The following PARD3B variants were observed in gnomAD, a reference collection of about 807,000 sequenced individuals.
PARD3B encodes par-3 family cell polarity regulator beta, also known as partitioning defective 3 homolog B.
PARD3B carries 103 observed loss-of-function variants against 130.2 expected under a neutral mutation model. That is an observed-to-expected ratio of 0.79 (90% CI 0.67 to 0.93). The LOEUF is 0.93. Among genes scored for constraint, PARD3B ranks in the 40% least tolerant of loss-of-function variants. The pLI, the probability that PARD3B is intolerant of heterozygous loss-of-function variation, is 0.00. For missense variants in PARD3B, 1,609 were observed against 1,499.2 expected, an observed-to-expected ratio of 1.07 and a Z score of -1.21; for synonymous variants, 583 against 553.2, an observed-to-expected ratio of 1.05 and a Z score of -0.76.
chr2:205,121,178 C>G lies in PARD3B; in HGVS notation c.807-413C>G, dbSNP rs1302667131. 6.6e-6 allele frequency among the ~76,000 whole-genome samples: 1 copy of G among 152,200 alleles called. No homozygotes were observed. Among genetic ancestry groups the G allele is most frequent in the Non-Finnish European group, 1.5e-5 (1 of 68,032 alleles). On this transcript the variant is annotated intron_variant, in intron 7 of 22. Coordinates refer to ENST00000406610, the MANE Select transcript of PARD3B (RefSeq NM_001302769.2). This position sits in a 1 kb window ranked among gnomAD's most constrained non-coding sequence, Gnocchi z 5.0. The stretch of plus-strand genomic sequence containing the variant: ...TCCTAAAAGAAACCTAACTAATGAT[C>G]TGATCCAAAATATCTATTTTGCTTT...
intron 1 of PARD3B, among the ~76,000 whole-genome samples, chr2:204,590,714 T>G (rs2033038237): frequency 6.6e-6 from 1 of 152,228 alleles, no homozygotes; most frequent in South Asian, 2.1e-4. Context: ...GAACTTACTT[T>G]AGAAGGACTA....
intron 21 of PARD3B, among the ~76,000 whole-genome samples, chr2:205,552,670 G>A (rs927707165): frequency 7.9e-5 from 12 of 151,952 alleles, no homozygotes; most frequent in Admixed American, 1.3e-4. Context: ...CTTGACCTCC[G>A]AACAAAGTGC....
intron 1 of PARD3B, among the ~76,000 whole-genome samples, chr2:204,670,626 C>T (rs1014647287): frequency 5.9e-5 from 9 of 152,044 alleles, no homozygotes; most frequent in African/African-American, 2.2e-4. Context: ...GTTGAAAATA[C>T]TAGCTATTTT....
chr2:205,185,692 T>C, intron 13 of PARD3B, 72 bp from the exon 14 acceptor site: 2 of 1,278,214 alleles, frequency 1.6e-6, no homozygotes, highest in South Asian at 1.2e-5. Flanking sequence ...CTGAGAGAGA[T>C]ACTGAAACCA....
intron 1 of PARD3B, among the ~76,000 whole-genome samples, chr2:204,666,313 G>C (rs1020413869): frequency 3.3e-5 from 5 of 152,182 alleles, no homozygotes; most frequent in African/African-American, 1.2e-4. Context: ...TCATATGTGA[G>C]ATGAAGAGTC....
At chr2:204,682,755 A>G (rs1056691609) in intron 1 of PARD3B, among the ~76,000 whole-genome samples, 2 of 152,112 alleles carry the variant, frequency 1.3e-5, no homozygotes, top group African/African-American at 4.8e-5. Flanking sequence ...GGGCCCCTCC[A>G]AGTTTTCCCT....
intron 2 of PARD3B, among the ~76,000 whole-genome samples, chr2:204,918,061 T>C (rs1048965708): frequency 6.6e-6 from 1 of 152,140 alleles, no homozygotes; most frequent in Non-Finnish European, 1.5e-5. Flanking sequence ...TATATTCTTA[T>C]TAAGTTTTGA....
chr2:205,557,522 G>A (rs2052943811), intron 22 of PARD3B, among the ~76,000 whole-genome samples: 1 of 152,214 alleles, frequency 6.6e-6, no homozygotes, highest in South Asian at 2.1e-4. Context: ...GAGGGCCTGA[G>A]CTCGGAGTCA....
At chr2:205,424,320 T>C (rs542608720) in intron 19 of PARD3B, among the ~76,000 whole-genome samples, 3 of 152,312 alleles carry the variant, frequency 2.0e-5, no homozygotes, top group Admixed American at 6.5e-5. Flanking sequence ...CATGGTTCTA[T>C]ACTTAAGGTG....
At chr2:204,838,509 C>T (rs1189923450) in intron 2 of PARD3B, among the ~76,000 whole-genome samples, 1 of 152,020 alleles carries the variant, frequency 6.6e-6, no homozygotes, top group Non-Finnish European at 1.5e-5. Flanking sequence ...ACCACCATGC[C>T]TGGCTGCATC....
At chr2:204,563,090 T>C (rs1240353478) in intron 1 of PARD3B, among the ~76,000 whole-genome samples, 1 of 152,168 alleles carries the variant, frequency 6.6e-6, no homozygotes, top group Non-Finnish European at 1.5e-5. Context: ...AGGGCCACGC[T>C]TCCTTCAAAA....
At position 205,460,266 on chromosome 2, in the gene PARD3B, T is replaced by C. The variant is rs2048404890; in HGVS notation, c.3044+19594T>C. On this transcript the variant is annotated intron_variant, in intron 20 of 22. Coordinates refer to ENST00000406610, the MANE Select transcript of PARD3B (RefSeq NM_001302769.2). This position sits in a 1 kb window ranked among gnomAD's most constrained non-coding sequence, Gnocchi z 4.9. ...TGCAGTTCGTAAATTTCCTACTGGG[T>C]CATTTTTTTTCTGAGAGGGTATTTC... Among the ~76,000 whole-genome samples, 1 of 152,116 alleles carries C rather than the reference T, an allele frequency of 6.6e-6. No homozygotes were observed. Among genetic ancestry groups the C allele is most frequent in the East Asian group, 1.9e-4 (1 of 5,190 alleles).
At chr2:204,956,516 T>TTGTGTG (rs113818336) in intron 2 of PARD3B, among the ~76,000 whole-genome samples, 4,081 of 148,184 alleles carry the variant, frequency 0.028, 65 homozygotes, top group Middle Eastern at 0.052. Flanking sequence ...GAAAAACTAC[T>TTGTGTG]TGTGTGTGTG....
Position 205,158,714 on chromosome 2 carries a change from C to T in PARD3B, c.1435-8C>T. 6.2e-7 allele frequency: 1 copy of T among 1,606,256 alleles called. No homozygotes were observed. Among genetic ancestry groups the T allele is most frequent in the Non-Finnish European group, 8.5e-7 (1 of 1,176,016 alleles). ...TCTTCACTCTTTTCATGTGTATTCC[C>T]CTAACAGAAAGGAGAACCTGACTGC... is the stretch of plus-strand genomic sequence containing the variant. On this transcript the variant is annotated splice_polypyrimidine_tract_variant and splice_region_variant and intron_variant, in intron 10 of 22. Transcript: ENST00000406610. This position sits in a 1 kb window ranked among gnomAD's most constrained non-coding sequence, Gnocchi z 5.4.
chr2:205,029,592 T>C (rs565508147), intron 3 of PARD3B, among the ~76,000 whole-genome samples: 21 of 152,180 alleles, frequency 1.4e-4, no homozygotes, highest in Admixed American at 2.6e-4. Flanking sequence ...GAATTATAAT[T>C]CTCCCTCTTG....
rs961790544 is a variant in PARD3B, at chr2:205,440,159, T to C, written c.2742-211T>C. On this transcript the variant is annotated intron_variant, in intron 19 of 22. Coordinates refer to ENST00000406610, the MANE Select transcript of PARD3B (RefSeq NM_001302769.2). The surrounding 1 kb of genome is among the most constrained non-coding windows in gnomAD (Gnocchi z 4.2). Reference sequence around the variant, plus strand: ...GATATCAAAATACCCATAGCATTGCTATCAAAGTAAAGACCCTGTAACAAA... The same window carrying C: ...GATATCAAAATACCCATAGCATTGCCATCAAAGTAAAGACCCTGTAACAAA... 2.0e-5 allele frequency among the ~76,000 whole-genome samples: 3 copies of C among 152,202 alleles called. No individual in the cohort carries two copies. Among genetic ancestry groups the C allele is most frequent in the African/African-American group, 7.2e-5 (3 of 41,446 alleles).
Position 204,636,808 on chromosome 2 carries a change from C to T in PARD3B, c.121-49373C>T, listed in dbSNP as rs10205319. Among the ~76,000 whole-genome samples, 312 of 152,232 alleles carry T rather than the reference C, an allele frequency of 2.0e-3. 3 individuals carry two copies. The highest frequency in any genetic ancestry group is 7.1e-3 in the African/African-American group (296 of 41,546). ...CTTAAACTCACCCTGTACTGTTTTACAACTGCATTCTACCCCTTCCAGCAA... is the reference window on the plus strand; with the variant it reads ...CTTAAACTCACCCTGTACTGTTTTATAACTGCATTCTACCCCTTCCAGCAA... On this transcript the variant is annotated intron_variant, in intron 1 of 22. Transcript: ENST00000406610.
rs1689080221 is a variant in PARD3B at position 204,943,520 on chromosome 2, C to T, written c.223-21632C>T. ...CCCTTGCCCAGTGGTTATATGTGTG[C>T]CAGGTTTGAGGATCCTGCAAATTGC... On this transcript the variant is annotated intron_variant, in intron 2 of 22. Transcript: ENST00000406610. This position sits in a 1 kb window ranked among gnomAD's most constrained non-coding sequence, Gnocchi z 4.2. Among the ~76,000 whole-genome samples the T allele has an allele frequency of 6.6e-6, 1 of 152,026 alleles. No individual in the cohort carries two copies.
intron 1 of PARD3B, among the ~76,000 whole-genome samples, chr2:204,550,289 T>C (rs567601426): frequency 1.3e-5 from 2 of 152,366 alleles, no homozygotes; most frequent in South Asian, 2.1e-4. Context: ...CTATACTGTT[T>C]AGGGAATAGT....
Sources: allele counts gnomAD v4.1 joint callset (sites outside exome capture counted in the v4.1 genomes callset), GRCh38; gene constraint gnomAD v4.1.1; non-coding constraint Gnocchi (gnomAD v3.1); transcripts MANE v1.5; gene names NCBI Gene and HGNC (gene_info 2026-07-23, HGNC 2026-07-21).